SYNE2: variants seen among roughly 807,000 people sequenced by gnomAD.
The protein encoded by SYNE2 is spectrin repeat containing nuclear envelope protein 2.
A neutral mutation model predicts 856.3 loss-of-function variants in SYNE2; 431 were observed. The observed-to-expected ratio is 0.50, with a 90% confidence interval of 0.47 to 0.55. SYNE2 has a LOEUF of 0.55. Ranked by LOEUF, SYNE2 falls within the 20% of genes least tolerant of loss-of-function variation. The pLI, the probability that SYNE2 is intolerant of heterozygous loss-of-function variation, is 0.00. For synonymous variants in SYNE2, 2,923 were observed against 2,872.3 expected, an observed-to-expected ratio of 1.02 and a Z score of -0.56; for missense variants, 8,129 against 8,023.2, an observed-to-expected ratio of 1.01 and a Z score of -0.50.
chr14:63,968,592 T>A (rs1027141193), intron 11 of SYNE2, among the ~76,000 whole-genome samples: 7 of 152,200 alleles, frequency 4.6e-5, no homozygotes, highest in African/African-American at 1.7e-4. Flanking sequence ...AGACATGGTT[T>A]ATGGCCCAGC....
rs148164783 is a variant in SYNE2 at position 64,022,470 on chromosome 14, C to T, written c.5525-281C>T. The stretch of plus-strand genomic sequence containing the variant: ...TAGGGAGGCCGGGCGCGGTAGCTCA[C>T]GCCTGTAATTCTAGCACTTTGGGAG... On this transcript the variant is annotated intron_variant, in intron 37 of 115. Transcript: ENST00000555002. Among the ~76,000 whole-genome samples the T allele has an allele frequency of 1.5e-3, 230 of 152,182 alleles. 1 individual carries two copies. Among genetic ancestry groups the T allele is most frequent in the African/African-American group, 5.4e-3 (224 of 41,514 alleles).
At chr14:63,985,201 G>C (rs1442940749) in intron 18 of SYNE2, among the ~76,000 whole-genome samples, 1 of 151,684 alleles carries the variant, frequency 6.6e-6, no homozygotes, top group African/African-American at 2.4e-5. Flanking sequence ...GTGGTGGCGG[G>C]TGCTTGTAAT....
chr14:64,180,192 G>T (rs1327540395), intron 96 of SYNE2, among the ~76,000 whole-genome samples: 1 of 152,162 alleles, frequency 6.6e-6, no homozygotes, highest in East Asian at 1.9e-4. Context: ...CCACTGGTCT[G>T]TGTATGTCAG....
rs1246135078 is a variant in SYNE2 at position 64,223,442 on chromosome 14, G to A, written c.20382+62G>A. On this transcript the variant is annotated intron_variant, in intron 113 of 115. Coordinates refer to ENST00000555002, the MANE Select transcript of SYNE2 (RefSeq NM_182914.3). ...CGTATTACATGCAGACAGGACAGCA[G>A]TGTTGTAGCAATGCTCTAAGACAGA... is the stretch of plus-strand genomic sequence containing the variant. 10 of 1,579,400 alleles carry A rather than the reference G, an allele frequency of 6.3e-6. No homozygotes were observed. The East Asian group carries it at 1.6e-4, about 25-fold the overall frequency.
chr14:63,993,894 A>G lies in SYNE2; in HGVS notation c.2706A>G (p.Glu902=), dbSNP rs1269312332. The change falls in exon 22 of 116, where the codon GAA becomes GAG. Residue 902 remains glutamate (E), a synonymous_variant. Transcript: ENST00000555002. Reference sequence around the variant, plus strand: ...CCAAGTATTTGAAAGCTGTTGAAGAACTAAAAAATAATGTAACTGAGGACA... The same window carrying G: ...CCAAGTATTTGAAAGCTGTTGAAGAGCTAAAAAATAATGTAACTGAGGACA... ...SLAKYLKAVE[E]LKNNVTEDIK... is the part of the protein sequence containing the mutation. 1.2e-6 allele frequency: 2 copies of G among 1,612,938 alleles called. No individual in the cohort carries two copies. The highest frequency in any genetic ancestry group is 1.7e-6 in the Non-Finnish European group (2 of 1,179,260).
At chr14:64,093,721 G>C (rs1482160434) in intron 61 of SYNE2, among the ~76,000 whole-genome samples, 3 of 152,178 alleles carry the variant, frequency 2.0e-5, no homozygotes, top group Non-Finnish European at 2.9e-5. Flanking sequence ...GTTTGATCAA[G>C]AGAAGCCTTA....
chr14:64,147,946 G>T (rs1357964983), intron 84 of SYNE2, among the ~76,000 whole-genome samples: 1 of 152,148 alleles, frequency 6.6e-6, no homozygotes, highest in Non-Finnish European at 1.5e-5. Flanking sequence ...CGGTAGTTTA[G>T]CCAATCCATG....
Position 64,053,241 on chromosome 14 carries a change from A to C in SYNE2, c.9328A>C (p.Thr3110Pro). The C allele has an allele frequency of 6.2e-7, 1 of 1,610,794 alleles. No individual in the cohort carries two copies. The highest frequency in any genetic ancestry group is 1.1e-5 in the South Asian group (1 of 89,692). The change falls in exon 48 of 116, where the codon ACC becomes CCC. Residue 3110 changes from threonine to proline, a missense_variant. Around this residue, in one of 3 missense-constraint regions of SYNE2, gnomAD observed 5,410 missense variants for 5,284.8 expected, o/e 1.02. Transcript: ENST00000555002. ...AATAAAGAAATTAAATGAAAATAAGACCTTTGATGACTCATTCAAGGAGAA... is the reference window on the plus strand; with the variant it reads ...AATAAAGAAATTAAATGAAAATAAGCCCTTTGATGACTCATTCAAGGAGAA... ...EIIKKLNENK[T>P]FDDSFKEKEI...
chr14:64,182,117 C>G (rs1447373462), intron 96 of SYNE2, among the ~76,000 whole-genome samples: 2 of 152,138 alleles, frequency 1.3e-5, no homozygotes, highest in Admixed American at 6.6e-5. Flanking sequence ...CTTGACAGTT[C>G]CACTGGTAAT....
At chr14:64,221,470 G>A (rs2098693701) in intron 111 of SYNE2, 106 bp from the exon 112 acceptor site, 2 of 1,609,350 alleles carry the variant, frequency 1.2e-6, no homozygotes, top group Non-Finnish European at 1.7e-6. Flanking sequence ...GGTAAGGCCA[G>A]AAAAGCAAAT....
At chr14:64,045,451 T>TG (rs2097179447) in intron 45 of SYNE2, among the ~76,000 whole-genome samples, 1 of 105,602 alleles carries the variant, frequency 9.5e-6, no homozygotes. Context: ...TTTCGGGGGG[T>TG]GGGGGTCCTC....
At chr14:64,108,711 T>G (rs1321721610) in intron 65 of SYNE2, among the ~76,000 whole-genome samples, 1 of 151,760 alleles carries the variant, frequency 6.6e-6, no homozygotes, top group Non-Finnish European at 1.5e-5. Context: ...GTTCTCAAAT[T>G]GTTACTCCTT....
rs2098581893 is a variant in SYNE2 at position 64,202,884 on chromosome 14, T to G, written c.18122T>G (p.Ile6041Ser). ...MSNLRTWLAR[I>S]ESELSKPVVY... ...AACCTTCGCACCTGGTTGGCTCGAA[T>G]TGAGTCTGAGCTTTCCAAGCCTGTT... Residue 6041 changes from isoleucine to serine, a missense_variant, in exon 100 of 116, where the codon ATT becomes AGT. Ile to Ser is a moderately radical substitution (Grantham distance 142). This residue lies in a region of SYNE2 where 5,410 missense variants were observed against 5,284.8 expected (regional missense o/e 1.02). Coordinates refer to ENST00000555002, the MANE Select transcript of SYNE2 (RefSeq NM_182914.3). 6.2e-7 allele frequency: 1 copy of G among 1,614,202 alleles called. No homozygotes were observed. Among genetic ancestry groups the G allele is most frequent in the Non-Finnish European group, 8.5e-7 (1 of 1,180,014 alleles).
rs775381006 is a variant in SYNE2 at position 64,074,154 on chromosome 14, T to TA, written c.10866+19dup. ...AATTTGAGGTAAGTGAGGAATGAAT[T>TA]AGTGAATGTGGCAGGTACAGGCCCA... is the stretch of plus-strand genomic sequence containing the variant. On this transcript the variant is annotated intron_variant, in intron 53 of 115. Transcript: ENST00000555002. 1 of 1,612,106 alleles carries TA rather than the reference T, an allele frequency of 6.2e-7. No individual in the cohort carries two copies. The highest frequency in any genetic ancestry group is 1.1e-5 in the South Asian group (1 of 91,026).
chr14:64,139,836 T>C (rs896999175), intron 79 of SYNE2, 105 bp from the exon 80 acceptor site: 2 of 1,122,202 alleles, frequency 1.8e-6, no homozygotes, highest in South Asian at 1.2e-5. Context: ...TTAGGACTGA[T>C]CAACATAGGA....
intron 31 of SYNE2, among the ~76,000 whole-genome samples, chr14:64,007,520 C>A (rs2096806008): frequency 6.6e-6 from 1 of 152,226 alleles, no homozygotes; most frequent in Non-Finnish European, 1.5e-5. Flanking sequence ...CCAAGCAAAT[C>A]ACCACGAACT....
intron 7 of SYNE2, among the ~76,000 whole-genome samples, chr14:63,952,621 G>T (rs1448836154): frequency 3.3e-5 from 5 of 152,174 alleles, no homozygotes; most frequent in African/African-American, 4.8e-5. Context: ...GTCATAAAAT[G>T]TGAACAGTAA....
chr14:64,035,830 A>G (rs572807207), intron 45 of SYNE2, among the ~76,000 whole-genome samples: 1 of 148,248 alleles, frequency 6.7e-6, no homozygotes, highest in African/African-American at 2.5e-5. Flanking sequence ...GAGTAGTAGG[A>G]CTCCAGGCAT....
chr14:63,920,775 T>G (rs1329327034), intron 2 of SYNE2, among the ~76,000 whole-genome samples: 1 of 151,834 alleles, frequency 6.6e-6, no homozygotes, highest in Non-Finnish European at 1.5e-5. Context: ...CAGGGCTTTT[T>G]GATTGACTTG....
Sources: allele counts gnomAD v4.1 joint callset (sites outside exome capture counted in the v4.1 genomes callset), GRCh38; gene constraint gnomAD v4.1.1; regional missense constraint gnomAD v4.1.1; transcripts MANE v1.5; gene names NCBI Gene and HGNC (gene_info 2026-07-23, HGNC 2026-07-21).